The following TTC39B variants were observed in gnomAD, a reference collection of about 807,000 sequenced individuals.
The protein encoded by TTC39B is tetratricopeptide repeat domain 39B.
TTC39B carries 92 observed loss-of-function variants against 96.6 expected under a neutral mutation model. The ratio of observed to expected loss-of-function variants is 0.95; its 90% confidence interval spans 0.80 to 1.13. TTC39B has a LOEUF of 1.13. Ranked by LOEUF, TTC39B falls within the 50% of genes most tolerant of loss-of-function variation. TTC39B has a pLI of 0.00. For synonymous variants in TTC39B, 367 were observed against 299.4 expected (o/e 1.23, Z -2.33); for missense variants, 955 against 809.3 (o/e 1.18, Z -2.18).
chr9:15,177,750 C>A lies in TTC39B; in HGVS notation c.1788G>T (p.Lys596Asn), dbSNP rs377291867. The A allele has an allele frequency of 9.3e-6, 15 of 1,613,292 alleles. No individual in the cohort carries two copies. The African/African-American group carries it at 1.6e-4, about 17-fold the overall frequency. Residue 596 changes from lysine (K) to asparagine (N), a missense_variant, in exon 18 of 20, where the codon AAG becomes AAT. By Grantham distance (94) the Lys-to-Asn change is moderately conservative (BLOSUM62 0). Coordinates refer to ENST00000512701, the Ensembl canonical transcript of TTC39B. ...CAGCTTGCAAGGGCCGCTGTAAGTT[C>A]TTGAGGCAACATCCTTTAAGTAACT...
chr9:15,219,637 G>A (rs972675434), intron 3 of TTC39B, among the ~76,000 whole-genome samples: 1 of 152,168 alleles, frequency 6.6e-6, no homozygotes, highest in Non-Finnish European at 1.5e-5. Context: ...ACTTCCCTGA[G>A]TAGGGACTTC....
rs150427487 is a variant in TTC39B, at chr9:15,262,147, G to A, written c.275+5767C>T. Among the ~76,000 whole-genome samples, 548 of 152,140 alleles carry A rather than the reference G, an allele frequency of 3.6e-3. 5 individuals carry two copies. The highest frequency in any genetic ancestry group is 0.013 in the African/African-American group (529 of 41,502). ...GGAGTCTTGCTCTGTCACCCAGGCT[G>A]GAGTGCAGTGGCACAATCTCAGCTC... On this transcript the variant is annotated intron_variant, in intron 2 of 19. Coordinates refer to ENST00000512701, the Ensembl canonical transcript of TTC39B.
Position 15,307,068 on chromosome 9 carries a change from C to A in TTC39B, c.240+16G>T, listed in dbSNP as rs1307303030. On this transcript the variant is annotated intron_variant, in intron 1 of 19. Transcript: ENST00000512701. ...GGGCTTCAGGGGCCGGGCCCGCAAT[C>A]CCCATCGGATCGTACCTCGTCCGCT... 10 of 1,608,922 alleles carry A rather than the reference C, an allele frequency of 6.2e-6. No individual in the cohort carries two copies. Among genetic ancestry groups the A allele is most frequent in the Non-Finnish European group, 6.8e-6 (8 of 1,177,802 alleles).
At position 15,177,831 on chromosome 9, in the gene TTC39B, TACAAAGAAAACAC is replaced by T. The variant is rs368846870; in HGVS notation, c.1724-30_1724-18del. The T allele has an allele frequency of 1.7e-3, 1,937 of 1,140,778 alleles. 27 individuals are homozygous for T. In the African/African-American group the frequency reaches 0.026, roughly 15 times the overall value. The allele number at this position is 1,140,778 out of a possible 1,614,324, so 70.7% of individuals were successfully genotyped here. On this transcript the variant is annotated intron_variant, in intron 17 of 19. Transcript: ENST00000512701. ...TGTTAAAATCTTAAAACAAAAAACA[TACAAAGAAAACAC>T]ACAAAGAAAAATACTTTTTAAGATC...
chr9:15,299,793 C>T (rs16932980), intron 1 of TTC39B, among the ~76,000 whole-genome samples: 20,422 of 152,096 alleles, frequency 0.13, 2,220 homozygotes, highest in African/African-American at 0.3. Context: ...CACTAAATGA[C>T]TGGTAACAGC....
chr9:15,284,428 T>C (rs895142375), intron 1 of TTC39B, among the ~76,000 whole-genome samples: 3 of 152,204 alleles, frequency 2.0e-5, no homozygotes, highest in African/African-American at 7.2e-5. Flanking sequence ...GTACCAAGAT[T>C]ATGATACACA....
intron 18 of TTC39B, among the ~76,000 whole-genome samples, chr9:15,176,935 G>C (rs1167403415): frequency 6.6e-6 from 1 of 152,168 alleles, no homozygotes; most frequent in Non-Finnish European, 1.5e-5. Context: ...CATCATCAAT[G>C]CTACTGAGGG....
At chr9:15,260,764 A>T (rs1440180670) in intron 2 of TTC39B, among the ~76,000 whole-genome samples, 2 of 152,212 alleles carry the variant, frequency 1.3e-5, no homozygotes, top group Non-Finnish European at 2.9e-5. Context: ...CTTAGACAAA[A>T]GGCCAAGAAG....
At chr9:15,196,962 G>A (rs1302783998) in intron 8 of TTC39B, among the ~76,000 whole-genome samples, 1 of 152,218 alleles carries the variant, frequency 6.6e-6, no homozygotes, top group Non-Finnish European at 1.5e-5. Context: ...CAACATGGAT[G>A]CAAGACCTCC....
At chr9:15,302,443 C>T (rs1587042719) in intron 1 of TTC39B, among the ~76,000 whole-genome samples, 2 of 139,940 alleles carry the variant, frequency 1.4e-5, no homozygotes, top group Admixed American at 1.5e-4. Flanking sequence ...GGTGAAACCT[C>T]GTCTCTACTA....
intron 19 of TTC39B, 102 bp downstream of exon 19, chr9:15,174,917 A>T (rs1344192608): frequency 2.6e-6 from 2 of 756,124 alleles, no homozygotes; most frequent in African/African-American, 1.7e-5. Context: ...TACTAATTTG[A>T]CATTGTTAAT....
At chr9:15,283,163 T>G (rs754501602) in intron 1 of TTC39B, among the ~76,000 whole-genome samples, 4 of 152,132 alleles carry the variant, frequency 2.6e-5, no homozygotes, top group African/African-American at 4.8e-5. Flanking sequence ...AATAAAGAAA[T>G]AAATGAATGA....
At chr9:15,179,218 G>A (rs548468996) in intron 17 of TTC39B, among the ~76,000 whole-genome samples, 4 of 152,272 alleles carry the variant, frequency 2.6e-5, no homozygotes, top group South Asian at 4.1e-4. Context: ...CAAGTACAAC[G>A]TTATTCCAAG....
chr9:15,233,490 C>T lies in TTC39B; in HGVS notation c.276-7478G>A, dbSNP rs921932016. Among the ~76,000 whole-genome samples, 10 of 150,774 alleles carry T rather than the reference C, an allele frequency of 6.6e-5. 1 individual carries two copies. Among genetic ancestry groups the T allele is most frequent in the South Asian group, 4.2e-4 (2 of 4,748 alleles). The stretch of plus-strand genomic sequence containing the variant: ...CCTGCCTCAGCCTGCCCAGTGCCTG[C>T]GATTGCAGGCGCACGCCGCCACGCC... On this transcript the variant is annotated intron_variant, in intron 2 of 19. Transcript: ENST00000512701.
chr9:15,234,416 GC>G (rs1275329508), intron 2 of TTC39B, among the ~76,000 whole-genome samples: 6 of 145,046 alleles, frequency 4.1e-5, no homozygotes, highest in South Asian at 4.5e-4. Flanking sequence ...GGGGGGGTCA[GC>G]CCCCCGCCCG....
chr9:15,252,172 A>G (rs1822585607), intron 2 of TTC39B, among the ~76,000 whole-genome samples: 1 of 152,220 alleles, frequency 6.6e-6, no homozygotes, highest in Non-Finnish European at 1.5e-5. Context: ...AGTACATTTC[A>G]CACCTTCATT....
intron 2 of TTC39B, among the ~76,000 whole-genome samples, chr9:15,255,329 A>G (rs1365921594): frequency 6.6e-6 from 1 of 152,054 alleles, no homozygotes; most frequent in Non-Finnish European, 1.5e-5. Flanking sequence ...TAAACCAAAT[A>G]TCACTATGCC....
intron 1 of TTC39B, among the ~76,000 whole-genome samples, chr9:15,270,547 C>T (rs9632883): frequency 0.11 from 17,308 of 151,210 alleles, 1,474 homozygotes; most frequent in African/African-American, 0.24. Context: ...GCCAACCCTC[C>T]GTGTAAAGAA....
chr9:15,265,169 A>T (rs560800258), intron 2 of TTC39B, among the ~76,000 whole-genome samples: 1 of 151,786 alleles, frequency 6.6e-6, no homozygotes, highest in Admixed American at 6.5e-5. Flanking sequence ...GCTTTTGTTT[A>T]TTTCTGTGGT....
Sources: allele counts gnomAD v4.1 joint callset (sites outside exome capture counted in the v4.1 genomes callset), GRCh38; gene constraint gnomAD v4.1.1; transcripts MANE v1.5; gene names NCBI Gene and HGNC (gene_info 2026-07-23, HGNC 2026-07-21).